The following DARS2 variants were observed in gnomAD, a reference collection of about 807,000 sequenced individuals.
The protein encoded by DARS2 is aspartate--tRNA ligase, mitochondrial.
Under a neutral mutation model 83.0 loss-of-function variants are expected in DARS2, and 63 were observed. That is an observed-to-expected ratio of 0.76 (90% CI 0.62 to 0.94). DARS2 has a LOEUF of 0.94. Ranked by LOEUF, DARS2 falls within the 40% of genes least tolerant of loss-of-function variation. The pLI is 0.00. For synonymous variants in DARS2, 250 were observed against 269.3 expected, an observed-to-expected ratio of 0.93 and a Z score of 0.70; for missense variants, 675 against 774.4, an observed-to-expected ratio of 0.87 and a Z score of 1.52.
chr1:173,834,756 T>TGGTTTG (rs1652929137), intron 7 of DARS2, among the ~76,000 whole-genome samples: 1 of 88,794 alleles, frequency 1.1e-5, no homozygotes, highest in African/African-American at 3.9e-5. Flanking sequence ...TTTTTTTTTT[T>TGGTTTG]TGGTTTGTTT....
chr1:173,830,591 A>G (rs929093713), intron 3 of DARS2, 69 bp from the exon 4 acceptor site: 1 of 1,268,076 alleles, frequency 7.9e-7, no homozygotes, highest in Non-Finnish European at 1.2e-6. Context: ...TAAACCATCT[A>G]CTTATAATTA....
In DARS2 at chr1:173,856,688, A is replaced by G; in HGVS notation, c.1697A>G (p.His566Arg). The G allele has an allele frequency of 6.2e-7, 1 of 1,613,998 alleles. No homozygotes were observed. Reference sequence around the variant, plus strand: ...CAGGAGGATGTGAAAATGCTCTCCCATCTGCTCCAGGCTTTAGATTATGGG... The same window carrying G: ...CAGGAGGATGTGAAAATGCTCTCCCGTCTGCTCCAGGCTTTAGATTATGGG... ...LLKEDVKMLS[H>R]LLQALDYGAP... The change falls in exon 16 of 17, where the codon CAT (histidine) becomes CGT (arginine). Residue 566 changes from histidine to arginine, a missense_variant. By Grantham distance (29) the His-to-Arg change is conservative (BLOSUM62 0). Transcript: ENST00000649689.
intron 12 of DARS2, among the ~76,000 whole-genome samples, chr1:173,846,008 A>G (rs894823581): frequency 7.9e-5 from 12 of 152,144 alleles, no homozygotes; most frequent in African/African-American, 2.9e-4. Flanking sequence ...ATACAAAAAA[A>G]TTAGCTGGGC....
chr1:173,827,182 C>T (rs1204470754), intron 2 of DARS2, among the ~76,000 whole-genome samples: 1 of 152,148 alleles, frequency 6.6e-6, no homozygotes, highest in African/African-American at 2.4e-5. Flanking sequence ...CATCTTATTC[C>T]ATGTAGGTAG....
At chr1:173,850,298 A>C (rs150605613) in intron 12 of DARS2, 29 bp from the exon 13 acceptor site, 21 of 1,574,752 alleles carry the variant, frequency 1.3e-5, no homozygotes, top group East Asian at 2.3e-5. Flanking sequence ...AAAAAAAAAA[A>C]CGTGAATAAG....
chr1:173,838,539 TAAAG>T (rs1353872884), intron 9 of DARS2, among the ~76,000 whole-genome samples: 1 of 152,070 alleles, frequency 6.6e-6, no homozygotes, highest in Non-Finnish European at 1.5e-5. Flanking sequence ...GTCCTTTTCA[TAAAG>T]AATGTGGTCA....
intron 15 of DARS2, 69 bp downstream of exon 15, chr1:173,853,974 T>C: frequency 7.3e-7 from 1 of 1,371,868 alleles, no homozygotes; most frequent in Non-Finnish European, 1.0e-6. Context: ...TGTGTTGTTG[T>C]TGTTGTTTGC....
chr1:173,835,626 G>A (rs17257934), intron 7 of DARS2, among the ~76,000 whole-genome samples: 3,091 of 151,764 alleles, frequency 0.02, 104 homozygotes, highest in African/African-American at 0.072. Flanking sequence ...GACATTTTTC[G>A]GCCAGGCACA....
In DARS2 at chr1:173,831,574, G is replaced by C. The variant is rs1652797676; in HGVS notation, c.436G>C (p.Ala146Pro). 6.2e-7 allele frequency: 1 copy of C among 1,613,970 alleles called. No homozygotes were observed. The highest frequency in any genetic ancestry group is 8.5e-7 in the Non-Finnish European group (1 of 1,180,000). The change falls in exon 5 of 17, where the codon GCT becomes CCT. Residue 146 changes from alanine (A) to proline (P), a missense_variant. Coordinates refer to ENST00000649689, the MANE Select transcript of DARS2 (RefSeq NM_018122.5). ...TGAGATTGAAATCAAAGTTAAAACAGCTGAGCTTCTGAATGCCTGCAAGAA... is the reference window on the plus strand; with the variant it reads ...TGAGATTGAAATCAAAGTTAAAACACCTGAGCTTCTGAATGCCTGCAAGAA... Reference protein sequence around the residue: ...TGEIEIKVKTAELLNACKKLP... With the variant: ...TGEIEIKVKTPELLNACKKLP...
intron 8 of DARS2, among the ~76,000 whole-genome samples, chr1:173,837,633 C>T (rs768806115): frequency 6.6e-6 from 1 of 152,142 alleles, no homozygotes; most frequent in Non-Finnish European, 1.5e-5. Flanking sequence ...CTGGCATGGA[C>T]TGATTTGCAT....
At chr1:173,831,272 C>T (rs1455065769) in intron 4 of DARS2, among the ~76,000 whole-genome samples, 1 of 150,490 alleles carries the variant, frequency 6.6e-6, no homozygotes, top group African/African-American at 2.5e-5. Flanking sequence ...GTCTTGAACT[C>T]CTGGGCTTAA....
At position 173,824,979 on chromosome 1, in the gene DARS2, A is replaced by G; in HGVS notation, c.-251A>G. On this transcript the variant is annotated 5_prime_UTR_variant, in exon 1 of 17. Coordinates refer to ENST00000649689, the MANE Select transcript of DARS2 (RefSeq NM_018122.5). Reference sequence around the variant, plus strand: ...GCCGACTTGTTGAGTAGAAGTGCAGACTGATGCTTTAAGACTCAGGGAGAG... The same window carrying G: ...GCCGACTTGTTGAGTAGAAGTGCAGGCTGATGCTTTAAGACTCAGGGAGAG... 4 of 413,752 alleles carry G rather than the reference A, an allele frequency of 9.7e-6. No homozygotes were observed. The highest frequency in any genetic ancestry group is 1.8e-5 in the Non-Finnish European group (4 of 219,868). 25.6% of individuals were successfully genotyped at this position (413,752 alleles called of 1,614,324 possible). A position where few individuals can be genotyped will look rare whatever the true frequency, so the allele number is the denominator to read the frequency against.
intron 1 of DARS2, 55 bp downstream of exon 1, chr1:173,825,411 G>C: frequency 6.4e-7 from 1 of 1,563,978 alleles, no homozygotes; most frequent in Non-Finnish European, 8.7e-7. Flanking sequence ...TGTTATCTAC[G>C]GCCGGAGAGC....
At chr1:173,845,139 C>T in intron 11 of DARS2, 90 bp from the exon 12 acceptor site, 5 of 856,420 alleles carry the variant, frequency 5.8e-6, no homozygotes, top group South Asian at 1.4e-5. Flanking sequence ...AATAGAAAGA[C>T]ACAAAATATA....
At chr1:173,851,931 T>G (rs1333644277) in intron 13 of DARS2, 1 of 985,128 alleles carries the variant, frequency 1.0e-6, no homozygotes, top group Non-Finnish European at 1.2e-6. Context: ...ATTTCCAAAT[T>G]TTATTATGAA....
chr1:173,846,187 G>A lies in DARS2; in HGVS notation c.1191+896G>A, dbSNP rs1424127849. 2.6e-5 allele frequency among the ~76,000 whole-genome samples: 4 copies of A among 151,798 alleles called. 1 individual carries two copies. The highest frequency in any genetic ancestry group is 4.8e-5 in the African/African-American group (2 of 41,352). ...AAAAAAAAAAATGCAAAAATGTGCC[G>A]GGTGTGTTGGTGCTCACTTGTAATC... On this transcript the variant is annotated intron_variant, in intron 12 of 16. Transcript: ENST00000649689.
intron 11 of DARS2, 123 bp from the exon 12 acceptor site, chr1:173,845,106 T>C: frequency 1.4e-6 from 1 of 717,814 alleles, no homozygotes; most frequent in Admixed American, 2.2e-5. Flanking sequence ...AGACATTGAA[T>C]TTTTATTAAA....
intron 8 of DARS2, among the ~76,000 whole-genome samples, chr1:173,837,980 G>A (rs950210815): frequency 6.6e-6 from 1 of 152,088 alleles, no homozygotes; most frequent in Non-Finnish European, 1.5e-5. Context: ...TCACCATGTT[G>A]GCCAGGCTGG....
chr1:173,851,721 ATTTAT>A (rs1229388398), intron 13 of DARS2: 3 of 427,686 alleles, frequency 7.0e-6, no homozygotes, highest in Non-Finnish European at 9.3e-6. Context: ...CATGATATAA[ATTTAT>A]TTTTTCACTT....
Sources: gnomAD v4.1 joint callset for allele counts (sites outside exome capture counted in the v4.1 genomes callset) on GRCh38, gnomAD v4.1.1 for gene constraint, MANE v1.5 for transcripts, NCBI Gene and HGNC (gene_info 2026-07-23, HGNC 2026-07-21) for gene names.